MFSD11: variants seen among roughly 807,000 people sequenced by gnomAD.
MFSD11 encodes the protein UNC93-like protein MFSD11.
A neutral mutation model predicts 53.5 loss-of-function variants in MFSD11; 36 were observed. The ratio of observed to expected loss-of-function variants is 0.67; its 90% confidence interval spans 0.52 to 0.89. The LOEUF (loss-of-function observed/expected upper bound fraction) is 0.89, where lower values mean the gene tolerates loss of function less well. MFSD11 is among the 40% of genes least tolerant of loss of function. The probability of loss-of-function intolerance (pLI) is 0.00; values close to 1 mark genes in which losing one functional copy is unlikely to be tolerated. For synonymous variants in MFSD11, 186 were observed against 184.9 expected (o/e 1.01, Z -0.05); for missense variants, 530 against 543.9 (o/e 0.97, Z 0.25).
intron 7 of MFSD11, among the ~76,000 whole-genome samples, chr17:76,751,170 C>T (rs1008666367): frequency 3.6e-4 from 55 of 151,578 alleles, no homozygotes; most frequent in African/African-American, 1.3e-3. Flanking sequence ...GCGGGCGGGT[C>T]ACGAGGTCAG....
intron 10 of MFSD11, among the ~76,000 whole-genome samples, chr17:76,774,472 T>G (rs900550045): frequency 2.6e-5 from 4 of 152,216 alleles, no homozygotes; most frequent in Non-Finnish European, 5.9e-5. Context: ...CTTCTTCCTT[T>G]CAGTTACAGA....
chr17:76,781,521 A>G (rs964813528), downstream of MFSD11: 15 of 152,160 alleles, frequency 9.9e-5, no homozygotes, highest in African/African-American at 3.6e-4. Flanking sequence ...TGAGACTTAC[A>G]TGGAAGGTGA....
At chr17:76,749,397 C>T (rs1318660792) in intron 7 of MFSD11, among the ~76,000 whole-genome samples, 1 of 151,864 alleles carries the variant, frequency 6.6e-6, no homozygotes, top group Non-Finnish European at 1.5e-5. Context: ...GGCATGGTGG[C>T]GCATGTCTGT....
the MFSD11 span, among the ~76,000 whole-genome samples, chr17:76,796,811 C>CA: frequency 0.062 from 7,040 of 114,268 alleles, 880 homozygotes; most frequent in African/African-American, 0.2. Flanking sequence ...CTAAAAATAC[C>CA]AAAAAAAAAA....
chr17:76,801,960 C>T, the MFSD11 span, among the ~76,000 whole-genome samples: 5 of 152,046 alleles, frequency 3.3e-5, no homozygotes, highest in Middle Eastern at 3.2e-3. Flanking sequence ...AAGATAGAGT[C>T]GCTCTGGTTT....
chr17:76,800,701 G>A, the MFSD11 span, among the ~76,000 whole-genome samples: 5 of 152,234 alleles, frequency 3.3e-5, no homozygotes, highest in Middle Eastern at 3.4e-3. Context: ...CTGATTGACT[G>A]CAGTAAAATA....
rs1175325733 is a variant in MFSD11, at chr17:76,778,189, C to G, written c.1187C>G (p.Ser396Cys). 6.2e-7 allele frequency: 1 copy of G among 1,614,208 alleles called. No individual in the cohort carries two copies. Among genetic ancestry groups the G allele is most frequent in the South Asian group, 1.1e-5 (1 of 91,078 alleles). ...GTGATTTGTTTTGTTTGTTCTTAGT[C>G]TATTTGCGCAGCCGTGGCATTTTTC... ...PAFAIFKFVQ[S>C]ICAAVAFFYS... Residue 396 changes from serine (S) to cysteine (C), a missense_variant and splice_region_variant, in exon 13 of 13, where the codon TCT (serine) becomes TGT (cysteine). By Grantham distance (112) the Ser-to-Cys change is moderately radical (BLOSUM62 -1). Coordinates refer to ENST00000685175, the MANE Select transcript of MFSD11 (RefSeq NM_001242532.5).
intron 8 of MFSD11, among the ~76,000 whole-genome samples, chr17:76,757,711 G>A (rs776226894): frequency 2.5e-4 from 38 of 152,260 alleles, no homozygotes; most frequent in Non-Finnish European, 4.4e-4. Flanking sequence ...TCTGAAAACA[G>A]CCAAGAAAAT....
At chr17:76,789,480 C>T in the MFSD11 span, among the ~76,000 whole-genome samples, 1 of 149,990 alleles carries the variant, frequency 6.7e-6, no homozygotes, top group African/African-American at 2.4e-5. Context: ...TCCCATTTTG[C>T]CTCTTAGTGC....
the MFSD11 span, among the ~76,000 whole-genome samples, chr17:76,800,072 C>G: frequency 6.6e-6 from 1 of 151,080 alleles, no homozygotes; most frequent in African/African-American, 2.4e-5. Context: ...TTTCCTGCCT[C>G]AGCCTCCAAA....
chr17:76,786,786 G>A, the MFSD11 span, among the ~76,000 whole-genome samples: 1 of 152,172 alleles, frequency 6.6e-6, no homozygotes, highest in African/African-American at 2.4e-5. Context: ...AAGGAAAGCA[G>A]GTGTTTATTT....
At chr17:76,748,518 C>G (rs2078752438) in intron 7 of MFSD11, among the ~76,000 whole-genome samples, 2 of 150,484 alleles carry the variant, frequency 1.3e-5, no homozygotes, top group Admixed American at 1.3e-4. Flanking sequence ...GACCTAGTCT[C>G]TACTTAAAAA....
At chr17:76,774,702 TTC>T (rs1879256967) in intron 10 of MFSD11, among the ~76,000 whole-genome samples, 1 of 152,222 alleles carries the variant, frequency 6.6e-6, no homozygotes, top group African/African-American at 2.4e-5. Flanking sequence ...CTTATTTTAT[TTC>T]TGTTATAAGC....
At position 76,761,738 on chromosome 17, in the gene MFSD11, T is replaced by C. The variant is rs552714880; in HGVS notation, c.683-5648T>C. Among the ~76,000 whole-genome samples, 122 of 152,108 alleles carry C rather than the reference T, an allele frequency of 8.0e-4. No individual in the cohort carries two copies. The South Asian group carries it at 0.013, about 16-fold the overall frequency. On this transcript the variant is annotated intron_variant, in intron 8 of 12. Transcript: ENST00000685175. The stretch of plus-strand genomic sequence containing the variant: ...GAGATCAACACCATCCTGGCTTACA[T>C]GGTGAAACCCCATCTCTACTAAAAA...
intron 8 of MFSD11, among the ~76,000 whole-genome samples, chr17:76,759,679 G>A (rs923498492): frequency 2.7e-5 from 4 of 146,784 alleles, no homozygotes; most frequent in Admixed American, 6.9e-5. Context: ...GGATGGTCTC[G>A]ATCTCCTGAT....
Position 76,754,076 on chromosome 17 carries a change from T to G in MFSD11, c.671T>G (p.Val224Gly). ...GCCCAGAACAATCTGACAAAGGCAG[T>G]AGATGCTTTTAGTAAGTATTTTCTG... ...ESAQNNLTKA[V>G]DAFKKSFKLC... Residue 224 changes from valine to glycine, a missense_variant, in exon 8 of 13, where the codon GTA (valine) becomes GGA (glycine). Coordinates refer to ENST00000685175, the MANE Select transcript of MFSD11 (RefSeq NM_001242532.5). The G allele has an allele frequency of 6.2e-7, 1 of 1,612,872 alleles. No homozygotes were observed. The highest frequency in any genetic ancestry group is 8.5e-7 in the Non-Finnish European group (1 of 1,179,000).
Position 76,775,149 on chromosome 17 carries a change from A to G in MFSD11, c.1027A>G (p.Ser343Gly). Reference sequence around the variant, plus strand: ...GATTGCTCCTGTTAAAGGAACTGACAGCAGTGCTTACATCAAATCCAGGTA... The same window carrying G: ...GATTGCTCCTGTTAAAGGAACTGACGGCAGTGCTTACATCAAATCCAGGTA... The part of the protein sequence containing the change: ...APIAPVKGTD[S>G]SAYIKSSKEV... The change falls in exon 11 of 13, where the codon AGC (serine) becomes GGC (glycine). Residue 343 changes from serine to glycine, a missense_variant. Transcript: ENST00000685175. 6.2e-7 allele frequency: 1 copy of G among 1,613,946 alleles called. No homozygotes were observed. The highest frequency in any genetic ancestry group is 1.1e-5 in the South Asian group (1 of 91,064).
the MFSD11 span, among the ~76,000 whole-genome samples, chr17:76,796,904 T>C: frequency 6.6e-6 from 1 of 150,914 alleles, no homozygotes; most frequent in East Asian, 1.9e-4. Context: ...GCACGGTGGC[T>C]CATGCCTGTA....
intron 8 of MFSD11, chr17:76,754,291 C>T (rs1038189561): frequency 1.9e-6 from 1 of 527,202 alleles, no homozygotes; most frequent in Non-Finnish European, 3.4e-6. Flanking sequence ...TATGACTGCC[C>T]ACCTGCCCAG....
Sources: gnomAD v4.1 joint callset for allele counts (sites outside exome capture counted in the v4.1 genomes callset) on GRCh38, gnomAD v4.1.1 for gene constraint, MANE v1.5 for transcripts, NCBI Gene and HGNC (gene_info 2026-07-23, HGNC 2026-07-21) for gene names.